SGCD: variants seen among roughly 807,000 people sequenced by gnomAD.
SGCD encodes sarcoglycan delta, also known as delta-sarcoglycan.
SGCD carries 18 observed loss-of-function variants against 36.6 expected under a neutral mutation model. The observed-to-expected ratio is 0.49, with a 90% confidence interval of 0.34 to 0.73. SGCD has a LOEUF of 0.73. Ranked by LOEUF, SGCD falls within the 30% of genes least tolerant of loss-of-function variation. The pLI, the probability that SGCD is intolerant of heterozygous loss-of-function variation, is 0.01. For synonymous variants in SGCD, 133 were observed against 130.6 expected (o/e 1.02, Z -0.12); for missense variants, 387 against 346.7 (o/e 1.12, Z -0.92).
chr5:156,526,578 G>A (rs1375958653), intron 4 of SGCD, among the ~76,000 whole-genome samples: 1 of 152,090 alleles, frequency 6.6e-6, no homozygotes, highest in East Asian at 1.9e-4. Flanking sequence ...GGTGCATTAG[G>A]CCTCTTTGCG....
intron 1 of SGCD, among the ~76,000 whole-genome samples, chr5:155,951,083 C>T (rs1757538367): frequency 6.6e-6 from 1 of 152,162 alleles, no homozygotes. Context: ...TCAGGAACAT[C>T]TCTTTCACAC....
chr5:156,354,259 G>A (rs1281174856), intron 3 of SGCD, among the ~76,000 whole-genome samples: 1 of 152,164 alleles, frequency 6.6e-6, no homozygotes, highest in Admixed American at 6.5e-5. Context: ...CTTTTGTGTG[G>A]TGGTGGAAGC....
At chr5:155,828,588 C>T in the SGCD span, among the ~76,000 whole-genome samples, 2 of 152,154 alleles carry the variant, frequency 1.3e-5, no homozygotes, top group Non-Finnish European at 2.9e-5. Context: ...TGAAGAACAA[C>T]CCTTCTTCTT....
At chr5:155,739,134 G>T in the SGCD span, among the ~76,000 whole-genome samples, 1 of 152,142 alleles carries the variant, frequency 6.6e-6, no homozygotes, top group African/African-American at 2.4e-5. Flanking sequence ...TTTTAACTTT[G>T]GGATGCTGGA....
At chr5:156,342,228 C>T (rs964088651) in intron 2 of SGCD, among the ~76,000 whole-genome samples, 6 of 152,200 alleles carry the variant, frequency 3.9e-5, no homozygotes, top group African/African-American at 9.6e-5. Flanking sequence ...ATGACACCAT[C>T]GATTGGGTTG....
chr5:156,128,806 C>T (rs1347457049), intron 3 of SGCD, among the ~76,000 whole-genome samples: 1 of 152,114 alleles, frequency 6.6e-6, no homozygotes, highest in Non-Finnish European at 1.5e-5. Flanking sequence ...AACCTCTTTT[C>T]TTTATAAATT....
the SGCD span, among the ~76,000 whole-genome samples, chr5:155,812,394 C>T: frequency 1.3e-5 from 2 of 152,224 alleles, no homozygotes; most frequent in Non-Finnish European, 1.5e-5. Context: ...TTGGCTCGTT[C>T]TGGCGGTCCA....
chr5:156,192,767 T>TA (rs890930293), intron 3 of SGCD, among the ~76,000 whole-genome samples: 3 of 150,348 alleles, frequency 2.0e-5, no homozygotes, highest in Admixed American at 6.6e-5. Context: ...TATGTGTCAA[T>TA]AAAAAAAATC....
intron 3 of SGCD, among the ~76,000 whole-genome samples, chr5:156,500,045 G>A (rs543465087): frequency 3.7e-4 from 56 of 152,218 alleles, no homozygotes; most frequent in Admixed American, 2.0e-3. Context: ...TACTTTATAT[G>A]TAAACATATT....
chr5:155,917,888 C>A (rs1756788413), intron 1 of SGCD, among the ~76,000 whole-genome samples: 1 of 152,178 alleles, frequency 6.6e-6, no homozygotes, highest in African/African-American at 2.4e-5. Context: ...CCTTTGGCTT[C>A]TTTTAGTGGA....
chr5:156,307,605 G>A (rs7732769), intron 3 of SGCD, among the ~76,000 whole-genome samples: 8,004 of 51,288 alleles, frequency 0.16, 348 homozygotes, highest in Middle Eastern at 0.25. Flanking sequence ...TTTGTGTCTC[G>A]TTTTGTGTTT....
At chr5:156,285,861 AG>A (rs1766581062) in intron 3 of SGCD, among the ~76,000 whole-genome samples, 1 of 152,224 alleles carries the variant, frequency 6.6e-6, no homozygotes, top group Non-Finnish European at 1.5e-5. Flanking sequence ...GCACAGCAAA[AG>A]AAACTACCAT....
chr5:155,795,304 T>C, the SGCD span, among the ~76,000 whole-genome samples: 1 of 152,104 alleles, frequency 6.6e-6, no homozygotes, highest in African/African-American at 2.4e-5. Context: ...TTCAATAGAT[T>C]AGGAGTTCAT....
chr5:156,313,159 G>A (rs147890207), intron 3 of SGCD, among the ~76,000 whole-genome samples: 1,990 of 151,412 alleles, frequency 0.013, 18 homozygotes, highest in Middle Eastern at 0.024. Context: ...AGAATTTGTT[G>A]ACTGACATCA....
chr5:156,617,073 T>G (rs1211123271), intron 6 of SGCD, among the ~76,000 whole-genome samples: 1 of 152,266 alleles, frequency 6.6e-6, no homozygotes, highest in Non-Finnish European at 1.5e-5. Context: ...TTGTTCATTT[T>G]CTTTCTATCC....
chr5:156,723,814 A>G (rs1480496053), intron 7 of SGCD, among the ~76,000 whole-genome samples: 2 of 151,874 alleles, frequency 1.3e-5, no homozygotes, highest in East Asian at 3.9e-4. Context: ...TTGTTAGCTG[A>G]TGAGCAGTGA....
intron 4 of SGCD, among the ~76,000 whole-genome samples, chr5:156,518,633 A>T (rs1355736038): frequency 6.6e-6 from 1 of 152,200 alleles, no homozygotes; most frequent in Admixed American, 6.5e-5. Flanking sequence ...GCAAATGCAA[A>T]ATAACTGAAA....
chr5:156,039,686 C>G (rs1279604804), intron 1 of SGCD, among the ~76,000 whole-genome samples: 1 of 152,188 alleles, frequency 6.6e-6, no homozygotes, highest in Admixed American at 6.5e-5. Context: ...TTTCTCATTT[C>G]TCATTTCAGC....
intron 1 of SGCD, among the ~76,000 whole-genome samples, chr5:155,975,575 A>G (rs1458853024): frequency 6.9e-6 from 1 of 144,550 alleles, no homozygotes; most frequent in East Asian, 2.0e-4. Context: ...TACTATATTC[A>G]GAGAATCATG....
Sources: allele counts gnomAD v4.1 joint callset (sites outside exome capture counted in the v4.1 genomes callset), GRCh38; gene constraint gnomAD v4.1.1; transcripts MANE v1.5; gene names NCBI Gene and HGNC (gene_info 2026-07-23, HGNC 2026-07-21).